MARCHF7: variants seen among roughly 807,000 people sequenced by gnomAD.
MARCHF7 encodes the protein E3 ubiquitin-protein ligase MARCHF7.
Under a neutral mutation model 76.5 loss-of-function variants are expected in MARCHF7, and 20 were observed. The observed-to-expected ratio is 0.26, with a 90% CI of 0.18 to 0.38. The LOEUF (loss-of-function observed/expected upper bound fraction) is 0.38. MARCHF7 is among the 10% of genes least tolerant of loss of function. MARCHF7 has a pLI of 1.00. For synonymous variants in MARCHF7, 295 were observed against 293.0 expected, an observed-to-expected ratio of 1.01 and a Z score of -0.07; for missense variants, 797 against 812.9, an observed-to-expected ratio of 0.98 and a Z score of 0.24.
At chr2:159,720,583 A>G (rs940534108) in intron 3 of MARCHF7, among the ~76,000 whole-genome samples, 1 of 152,114 alleles carries the variant, frequency 6.6e-6, no homozygotes, top group African/African-American at 2.4e-5. Flanking sequence ...TTGTGTCTCA[A>G]AGACCTTGTT....
chr2:159,733,717 T>C, intron 4 of MARCHF7: 1 of 985,382 alleles, frequency 1.0e-6, no homozygotes, highest in Non-Finnish European at 1.2e-6. Context: ...TGGGAACACC[T>C]TATATAGTGC....
At position 159,732,587 on chromosome 2, in the gene MARCHF7, G is replaced by A. The variant is rs537681486; in HGVS notation, c.153+3412G>A. ...TAGTGTAGTTGAGCAATCATGACTC[G>A]GCGCAGCCACAACTTTCTGGGCACA... On this transcript the variant is annotated intron_variant, in intron 4 of 11. Coordinates refer to ENST00000409175, the MANE Select transcript of MARCHF7 (RefSeq NM_001282805.2). 1.2e-4 allele frequency among the ~76,000 whole-genome samples: 18 copies of A among 152,220 alleles called. No individual in the cohort carries two copies. In the East Asian group the frequency reaches 3.3e-3, roughly 28 times the overall value.
Position 159,764,607 on chromosome 2 carries a change from CT to C in MARCHF7, c.2008-16del. ...TTGCAACATTTAAACTACTGTATTT[CT>C]TTCTGCATTGTTTCTAGTTTATTAA... On this transcript the variant is annotated intron_variant, in intron 10 of 11. Coordinates refer to ENST00000409175, the MANE Select transcript of MARCHF7 (RefSeq NM_001282805.2). 6.3e-7 allele frequency: 1 copy of C among 1,575,474 alleles called. No individual in the cohort carries two copies. Among genetic ancestry groups the C allele is most frequent in the Non-Finnish European group, 8.6e-7 (1 of 1,157,152 alleles).
chr2:159,736,434 A>G (rs1196523895), intron 4 of MARCHF7, among the ~76,000 whole-genome samples: 1 of 152,210 alleles, frequency 6.6e-6, no homozygotes, highest in African/African-American at 2.4e-5. Flanking sequence ...ATGCCTATTT[A>G]TAATAGTTCC....
At chr2:159,719,020 A>T (rs561744542) in intron 3 of MARCHF7, among the ~76,000 whole-genome samples, 69 of 152,052 alleles carry the variant, frequency 4.5e-4, no homozygotes, top group African/African-American at 1.6e-3. Flanking sequence ...AAAGTGTCTC[A>T]CTCTGATGCA....
chr2:159,762,221 T>G (rs1230231016), intron 9 of MARCHF7, among the ~76,000 whole-genome samples: 1 of 152,234 alleles, frequency 6.6e-6, no homozygotes, highest in Non-Finnish European at 1.5e-5. Context: ...ATTTGAGCCT[T>G]TCTTTTGTTC....
rs1381094157 is a variant in MARCHF7 at position 159,743,042 on chromosome 2, A to G, written c.154-19A>G. 1.9e-6 allele frequency: 3 copies of G among 1,598,078 alleles called. No homozygotes were observed. In the African/African-American group the frequency reaches 4.0e-5, roughly 22 times the overall value. ...GAATGCAGCCTTTTGTTGTTTAAAA[A>G]ATTTTTTTGAACTCACAGTCTACAT... On this transcript the variant is annotated intron_variant, in intron 4 of 11. Transcript: ENST00000409175.
At chr2:159,729,237 T>C (rs1702500497) in intron 4 of MARCHF7, 62 bp downstream of exon 4, 3 of 1,180,936 alleles carry the variant, frequency 2.5e-6, no homozygotes, top group Non-Finnish European at 3.4e-6. Context: ...GGCCACTCTT[T>C]TGGGGGTATT....
intron 3 of MARCHF7, among the ~76,000 whole-genome samples, chr2:159,723,596 T>A (rs898505740): frequency 6.6e-6 from 1 of 152,226 alleles, no homozygotes; most frequent in East Asian, 1.9e-4. Flanking sequence ...ACAGTGTGCT[T>A]ATACTGTTAT....
Position 159,748,803 on chromosome 2 carries a change from G to A in MARCHF7, c.1513G>A (p.Asp505Asn). 1 of 1,614,108 alleles carries A rather than the reference G, an allele frequency of 6.2e-7. No individual in the cohort carries two copies. The highest frequency in any genetic ancestry group is 8.5e-7 in the Non-Finnish European group (1 of 1,180,040). Residue 505 changes from aspartate (D) to asparagine (N), a missense_variant, in exon 7 of 12, where the codon GAT becomes AAT. Physicochemically the swap from Asp to Asn is conservative, Grantham distance 23. This residue lies in a region of MARCHF7 where 643 missense variants were observed against 631.5 expected (regional missense o/e 1.02). Transcript: ENST00000409175. ...NLTDNVMITV[D>N]IIPSGWNSAD... ...GACCGACAATGTCATGATCACAGTA[G>A]ATATTATTCCTTCAGGTTGGAATTC...
Position 159,745,838 on chromosome 2 carries a change from T to C in MARCHF7, c.415T>C (p.Leu139=). 1 of 1,612,974 alleles carries C rather than the reference T, an allele frequency of 6.2e-7. No individual in the cohort carries two copies. The highest frequency in any genetic ancestry group is 1.3e-5 in the African/African-American group (1 of 75,028). ...SMVLGSFGTD[L]MRERRDLERR... ...GGTACTTGGATCATTTGGAACAGAC[T>C]TAATGAGAGAGAGGAGAGATTTGGA... is the stretch of plus-strand genomic sequence containing the variant. Residue 139 remains leucine (L), a synonymous_variant, in exon 6 of 12, where the codon TTA becomes CTA. Coordinates refer to ENST00000409175, the MANE Select transcript of MARCHF7 (RefSeq NM_001282805.2).
intron 3 of MARCHF7, among the ~76,000 whole-genome samples, chr2:159,727,283 A>G (rs972111508): frequency 6.6e-6 from 1 of 152,196 alleles, no homozygotes; most frequent in African/African-American, 2.4e-5. Flanking sequence ...TCCTTGCCTC[A>G]GAATATTTTA....
In MARCHF7 at chr2:159,721,018, C is replaced by T. The variant is rs116038383; in HGVS notation, c.-15+5252C>T. Among the ~76,000 whole-genome samples, 938 of 145,404 alleles carry T rather than the reference C, an allele frequency of 6.5e-3. 12 individuals are homozygous for T. Among genetic ancestry groups the T allele is most frequent in the African/African-American group, 0.025 (891 of 36,244 alleles). On this transcript the variant is annotated intron_variant, in intron 3 of 11. Coordinates refer to ENST00000409175, the MANE Select transcript of MARCHF7 (RefSeq NM_001282805.2). Reference sequence around the variant, plus strand: ...GATTACAGGCGCGAGCCACCACACACGGCTATTTTTTTTTTTTTTTCTGTA... The same window carrying T: ...GATTACAGGCGCGAGCCACCACACATGGCTATTTTTTTTTTTTTTTCTGTA...
In MARCHF7 at chr2:159,715,674, T is replaced by A. The variant is rs1299949588; in HGVS notation, c.-100-7T>A. 1 of 152,158 alleles carries A rather than the reference T, an allele frequency of 6.6e-6. No homozygotes were observed. Among genetic ancestry groups the A allele is most frequent in the East Asian group, 1.9e-4 (1 of 5,190 alleles). The allele number at this position is 152,158 out of a possible 1,614,324, so 9.4% of individuals were successfully genotyped here. Reference sequence around the variant, plus strand: ...GGGGTTTAATTTTCATTAATCTTAATTTTCAGCTTTCTGCCCTGGCATGAA... The same window carrying A: ...GGGGTTTAATTTTCATTAATCTTAAATTTCAGCTTTCTGCCCTGGCATGAA... On this transcript the variant is annotated splice_region_variant and splice_polypyrimidine_tract_variant and intron_variant, in intron 2 of 11. Coordinates refer to ENST00000409175, the MANE Select transcript of MARCHF7 (RefSeq NM_001282805.2).
At chr2:159,715,425 C>G (rs1158825270) in intron 2 of MARCHF7, among the ~76,000 whole-genome samples, 1 of 152,092 alleles carries the variant, frequency 6.6e-6, no homozygotes, top group African/African-American at 2.4e-5. Context: ...TAGGCTGCTG[C>G]AGCCGCAGTC....
chr2:159,744,842 A>G (rs1002766141), intron 5 of MARCHF7, among the ~76,000 whole-genome samples: 1 of 152,252 alleles, frequency 6.6e-6, no homozygotes, highest in African/African-American at 2.4e-5. Context: ...AAGATTAGGG[A>G]AGAAAGAATC....
chr2:159,729,110 G>A lies in MARCHF7; in HGVS notation c.88G>A (p.Gly30Arg). Residue 30 changes from glycine to arginine, a missense_variant, in exon 4 of 12, where the codon GGA (glycine) becomes AGA (arginine). Coordinates refer to ENST00000409175, the MANE Select transcript of MARCHF7 (RefSeq NM_001282805.2). ...TGCTAGGATGATGTCTGGAAGCAGA[G>A]GAAGTAGTTTAAATGATACCTATCA... ...LSARMMSGSR[G>R]SSLNDTYHSR... is the part of the protein sequence containing the mutation. 1.2e-6 allele frequency: 2 copies of A among 1,611,152 alleles called. No individual in the cohort carries two copies. The highest frequency in any genetic ancestry group is 8.5e-7 in the Non-Finnish European group (1 of 1,178,844).
At chr2:159,717,892 C>T (rs1701214850) in intron 3 of MARCHF7, among the ~76,000 whole-genome samples, 3 of 152,088 alleles carry the variant, frequency 2.0e-5, no homozygotes, top group African/African-American at 7.2e-5. Context: ...GTATAGGTTT[C>T]TTTACCCTGA....
intron 11 of MARCHF7, among the ~76,000 whole-genome samples, 191 bp downstream of exon 11, chr2:159,764,865 T>C (rs550466183): frequency 6.6e-6 from 1 of 151,814 alleles, no homozygotes; most frequent in Non-Finnish European, 1.5e-5. Context: ...AAGCATATTT[T>C]AAGGTATGGA....
Sources: allele counts gnomAD v4.1 joint callset (sites outside exome capture counted in the v4.1 genomes callset), GRCh38; gene constraint gnomAD v4.1.1; regional missense constraint gnomAD v4.1.1; transcripts MANE v1.5; gene names NCBI Gene and HGNC (gene_info 2026-07-23, HGNC 2026-07-21).